RBFOX1: variants seen among roughly 807,000 people sequenced by gnomAD.
RBFOX1 encodes RNA binding fox-1 homolog 1.
In RBFOX1, 8 loss-of-function variants were observed where a neutral mutation model predicts 57.7. The ratio of observed to expected loss-of-function variants is 0.14; its 90% CI spans 0.08 to 0.25. RBFOX1 has a LOEUF of 0.25. Among genes scored for constraint, RBFOX1 ranks in the 10% least tolerant of loss-of-function variants. The pLI, the probability that RBFOX1 is intolerant of heterozygous loss-of-function variation, is 1.00. For missense variants in RBFOX1, 611 were observed against 548.5 expected (o/e 1.11, Z -1.14); for synonymous variants, 326 against 222.4 (o/e 1.47, Z -4.15).
intron 1 of RBFOX1, among the ~76,000 whole-genome samples, chr16:5,333,352 C>A (rs372805293): frequency 6.6e-6 from 1 of 152,190 alleles, no homozygotes; most frequent in South Asian, 2.1e-4. Context: ...TATTGTGTGT[C>A]TGCTTTCTCT....
At chr16:7,287,569 C>T (rs1010717576) in intron 4 of RBFOX1, among the ~76,000 whole-genome samples, 2 of 152,130 alleles carry the variant, frequency 1.3e-5, no homozygotes, top group African/African-American at 4.8e-5. Context: ...GTGACTTGGG[C>T]TACTTAAATG....
chr16:6,334,008 G>C (rs1318558805), intron 2 of RBFOX1, among the ~76,000 whole-genome samples: 3 of 152,030 alleles, frequency 2.0e-5, no homozygotes, highest in African/African-American at 4.8e-5. Flanking sequence ...GGGGGGAGCA[G>C]GAAACAGAAT....
chr16:5,835,407 C>G (rs865999745), intron 3 of RBFOX1, among the ~76,000 whole-genome samples: 5 of 152,324 alleles, frequency 3.3e-5, no homozygotes, highest in Middle Eastern at 3.4e-3. Flanking sequence ...TGGATTCATA[C>G]TTGGGGAGGC....
intron 3 of RBFOX1, among the ~76,000 whole-genome samples, chr16:6,754,424 G>T (rs566337570): frequency 3.9e-5 from 6 of 152,120 alleles, no homozygotes; most frequent in Admixed American, 3.3e-4. Flanking sequence ...CAAAACCTAC[G>T]GTCGAAGATT....
intron 3 of RBFOX1, among the ~76,000 whole-genome samples, chr16:6,977,078 A>G (rs1271292116): frequency 2.8e-5 from 4 of 140,680 alleles, no homozygotes; most frequent in Non-Finnish European, 6.2e-5. Flanking sequence ...TTTATCATAT[A>G]TGATCTATAT....
chr16:5,434,680 C>T (rs1417967508), intron 1 of RBFOX1, among the ~76,000 whole-genome samples: 1 of 152,136 alleles, frequency 6.6e-6, no homozygotes, highest in Non-Finnish European at 1.5e-5. Context: ...TCTTCGTTAT[C>T]TGTTTAAAAT....
At chr16:6,001,779 C>T (rs963712135) in intron 4 of RBFOX1, among the ~76,000 whole-genome samples, 1 of 151,946 alleles carries the variant, frequency 6.6e-6, no homozygotes. Flanking sequence ...ATGACAGAAG[C>T]CATGAGGGTG....
intron 2 of RBFOX1, among the ~76,000 whole-genome samples, chr16:6,339,096 G>A (rs544164367): frequency 1.3e-5 from 2 of 152,168 alleles, no homozygotes; most frequent in Non-Finnish European, 2.9e-5. Flanking sequence ...AAAGCGGGCA[G>A]AAAACAAAAC....
In RBFOX1 at chr16:7,029,276, A is replaced by G. The variant is rs979063741; in HGVS notation, c.-15-22781A>G. On this transcript the variant is annotated intron_variant, in intron 3 of 15. Transcript: ENST00000550418. ...TACACACATATATATACGTATACGT[A>G]TATATATACACATATATATATACGT... Among the ~76,000 whole-genome samples the G allele has an allele frequency of 1.1e-4, 16 of 140,642 alleles. 3 individuals carry two copies. Among genetic ancestry groups the G allele is most frequent in the Admixed American group, 8.7e-4 (12 of 13,812 alleles). 92.3% of individuals were successfully genotyped at this position (140,642 alleles called of 152,430 possible). A position where few individuals can be genotyped will look rare whatever the true frequency, so the allele number is the denominator to read the frequency against.
chr16:5,494,875 T>A (rs1267764766), intron 2 of RBFOX1, among the ~76,000 whole-genome samples: 18 of 152,192 alleles, frequency 1.2e-4, no homozygotes. Context: ...AGTGGACCCC[T>A]GTTTACTCCT....
chr16:5,849,583 C>T (rs1251209899), intron 3 of RBFOX1, among the ~76,000 whole-genome samples: 4 of 152,094 alleles, frequency 2.6e-5, no homozygotes, highest in Non-Finnish European at 5.9e-5. Context: ...CTTGGTTTTT[C>T]TGACTGTAAG....
chr16:6,062,297 C>T (rs1238337925), intron 1 of RBFOX1, among the ~76,000 whole-genome samples: 1 of 151,956 alleles, frequency 6.6e-6, no homozygotes, highest in Non-Finnish European at 1.5e-5. Flanking sequence ...TTTAGCCCCC[C>T]TGCCCTCTCA....
intron 1 of RBFOX1, among the ~76,000 whole-genome samples, chr16:5,416,323 G>C (rs1309151855): frequency 6.6e-6 from 1 of 152,160 alleles, no homozygotes; most frequent in African/African-American, 2.4e-5. Flanking sequence ...TGACTCCAGA[G>C]TCCCTTCTCT....
At position 5,979,866 on chromosome 16, in the gene RBFOX1, A is replaced by T. The variant is rs190236282; in HGVS notation, c.351+112531A>T. Among the ~76,000 whole-genome samples the T allele has an allele frequency of 1.4e-4, 22 of 152,262 alleles. No individual in the cohort carries two copies. In the East Asian group the frequency reaches 4.3e-3, roughly 29 times the overall value. ...ACAGAGTGAGACTCTGACTCAAAGA[A>T]AGAAAGAAATTAAAGTGTATTTAAG... is the stretch of plus-strand genomic sequence containing the variant. On this transcript the variant is annotated intron_variant, in intron 4 of 19. Transcript: ENST00000641259.
intron 1 of RBFOX1, among the ~76,000 whole-genome samples, chr16:6,034,573 A>C (rs527751798): frequency 6.6e-6 from 1 of 152,156 alleles, no homozygotes; most frequent in South Asian, 2.1e-4. Flanking sequence ...TAAGGTTCCC[A>C]TCTAAGCATG....
At chr16:5,413,884 C>T (rs1011981231) in intron 1 of RBFOX1, among the ~76,000 whole-genome samples, 1 of 152,034 alleles carries the variant, frequency 6.6e-6, no homozygotes, top group Non-Finnish European at 1.5e-5. Context: ...TTGATGTTTG[C>T]CCTTCCCATT....
At chr16:6,983,856 G>A (rs1221667203) in intron 3 of RBFOX1, 1 of 152,400 alleles carries the variant, frequency 6.6e-6, no homozygotes, top group Non-Finnish European at 1.5e-5. Flanking sequence ...CATGCATGCA[G>A]CCAAGTGGAG....
chr16:7,620,569 C>A (rs553919941), intron 10 of RBFOX1, among the ~76,000 whole-genome samples: 14 of 152,314 alleles, frequency 9.2e-5, no homozygotes, highest in Admixed American at 7.2e-4. Flanking sequence ...ATCACAGATT[C>A]TTAAACATGA....
chr16:6,543,778 A>G (rs905715084), intron 2 of RBFOX1, among the ~76,000 whole-genome samples: 7 of 152,184 alleles, frequency 4.6e-5, no homozygotes, highest in Admixed American at 3.3e-4. Context: ...TTAGTAAGAC[A>G]CGTTTTCTGA....
Sources: allele counts gnomAD v4.1 joint callset (sites outside exome capture counted in the v4.1 genomes callset), GRCh38; gene constraint gnomAD v4.1.1; transcripts MANE v1.5; gene names NCBI Gene and HGNC (gene_info 2026-07-23, HGNC 2026-07-21).